SORCS1: variants seen among roughly 807,000 people sequenced by gnomAD.
SORCS1 encodes the protein sortilin related VPS10 domain containing receptor 1.
A neutral mutation model predicts 146.1 loss-of-function variants in SORCS1; 60 were observed. That is an observed-to-expected ratio of 0.41 (90% confidence interval 0.33 to 0.51). SORCS1 has a LOEUF of 0.51. Among genes scored for constraint, SORCS1 ranks in the 20% least tolerant of loss-of-function variants. The pLI, the probability that SORCS1 is intolerant of heterozygous loss-of-function variation, is 0.21. For missense variants in SORCS1, 1,352 were observed against 1,487.6 expected (o/e 0.91, Z 1.50); for synonymous variants, 637 against 584.0 (o/e 1.09, Z -1.31).
intron 1 of SORCS1, among the ~76,000 whole-genome samples, chr10:107,031,534 G>A (rs911170670): frequency 1.3e-5 from 2 of 151,622 alleles, no homozygotes; most frequent in Admixed American, 6.6e-5. Context: ...TTTCTGTTAC[G>A]TTAGTAGAAA....
chr10:106,721,631 A>G (rs190571904), intron 6 of SORCS1, among the ~76,000 whole-genome samples: 1 of 152,352 alleles, frequency 6.6e-6, no homozygotes, highest in African/African-American at 2.4e-5. Flanking sequence ...CACAGGCATT[A>G]TGATACTGAT....
At chr10:106,982,043 C>T (rs540552266) in intron 1 of SORCS1, among the ~76,000 whole-genome samples, 1 of 152,208 alleles carries the variant, frequency 6.6e-6, no homozygotes, top group Non-Finnish European at 1.5e-5. Flanking sequence ...GGCATCCATA[C>T]ATTAGCCGAG....
At position 106,741,889 on chromosome 10, in the gene SORCS1, C is replaced by A. The variant is rs146992643; in HGVS notation, c.960-11775G>T. Among the ~76,000 whole-genome samples the A allele has an allele frequency of 3.5e-3, 528 of 152,290 alleles. 9 individuals carry two copies. Among genetic ancestry groups the A allele is most frequent in the African/African-American group, 0.012 (509 of 41,568 alleles). On this transcript the variant is annotated intron_variant, in intron 5 of 25. Transcript: ENST00000263054. The stretch of plus-strand genomic sequence containing the variant: ...AGAAAACACAGTGTCAGTTTTTACA[C>A]GGACAGCTCAGTGCCTGGCCTGTAG...
At chr10:106,751,598 C>T (rs1366147677) in intron 5 of SORCS1, among the ~76,000 whole-genome samples, 1 of 152,120 alleles carries the variant, frequency 6.6e-6, no homozygotes, top group Non-Finnish European at 1.5e-5. Context: ...AATAAATAGC[C>T]TAGTGCATGG....
At chr10:106,786,566 G>A (rs1023656449) in intron 3 of SORCS1, among the ~76,000 whole-genome samples, 6 of 152,028 alleles carry the variant, frequency 3.9e-5, no homozygotes, top group African/African-American at 1.4e-4. Flanking sequence ...GGAAGACCCA[G>A]GACATCAATT....
chr10:106,612,819 C>T (rs1029016308), intron 21 of SORCS1, among the ~76,000 whole-genome samples: 24 of 152,098 alleles, frequency 1.6e-4, no homozygotes, highest in African/African-American at 5.8e-4. Context: ...GTTCTGCGCT[C>T]CTGGATAGTA....
chr10:107,085,885 C>T (rs1963721026), intron 1 of SORCS1, among the ~76,000 whole-genome samples: 1 of 152,198 alleles, frequency 6.6e-6, no homozygotes. Flanking sequence ...TACAATCACT[C>T]ACAAAGCAAT....
At chr10:106,648,353 G>C (rs1009037218) in intron 18 of SORCS1, among the ~76,000 whole-genome samples, 7 of 152,042 alleles carry the variant, frequency 4.6e-5, no homozygotes, top group Admixed American at 6.6e-5. Flanking sequence ...GGATACGTTG[G>C]AGTCTAATAT....
intron 1 of SORCS1, among the ~76,000 whole-genome samples, chr10:106,976,668 ATTT>A (rs1000950794): frequency 3.9e-5 from 6 of 151,910 alleles, no homozygotes; most frequent in African/African-American, 1.5e-4. Flanking sequence ...TGCATTAGGT[ATTT>A]GTCCTAATGC....
intron 3 of SORCS1, among the ~76,000 whole-genome samples, chr10:106,798,270 T>A (rs547435984): frequency 6.6e-6 from 1 of 152,364 alleles, no homozygotes; most frequent in Non-Finnish European, 1.5e-5. Context: ...TTAAACCTCT[T>A]TCTTTTGTAA....
At chr10:106,590,496 T>G (rs1002995894) in intron 24 of SORCS1, among the ~76,000 whole-genome samples, 2 of 152,100 alleles carry the variant, frequency 1.3e-5, no homozygotes, top group Non-Finnish European at 2.9e-5. Context: ...GTTACTAGGG[T>G]CAATGAGAAA....
chr10:106,923,580 A>T (rs1352408545), intron 2 of SORCS1, among the ~76,000 whole-genome samples: 1 of 152,246 alleles, frequency 6.6e-6, no homozygotes, highest in African/African-American at 2.4e-5. Flanking sequence ...CATTTCCACC[A>T]GTAATGAGAA....
chr10:106,735,541 T>A (rs2756239), intron 5 of SORCS1, among the ~76,000 whole-genome samples: 8 of 152,224 alleles, frequency 5.3e-5, no homozygotes, highest in Non-Finnish European at 1.0e-4. Flanking sequence ...TCTTCAAGTA[T>A]ATGCAGCAAT....
intron 8 of SORCS1, among the ~76,000 whole-genome samples, chr10:106,699,960 C>T (rs952431051): frequency 3.9e-5 from 6 of 152,242 alleles, no homozygotes; most frequent in Middle Eastern, 3.4e-3. Flanking sequence ...AAAAGCACTG[C>T]CCAAAGGTTC....
intron 9 of SORCS1, among the ~76,000 whole-genome samples, chr10:106,696,335 T>C (rs1853702364): frequency 6.6e-6 from 1 of 152,260 alleles, no homozygotes. Context: ...GGGAAATTCA[T>C]GCTGGATGGC....
At chr10:106,627,861 C>T (rs184983091) in intron 19 of SORCS1, among the ~76,000 whole-genome samples, 13 of 152,204 alleles carry the variant, frequency 8.5e-5, no homozygotes, top group South Asian at 4.1e-4. Context: ...AGGATCCTTG[C>T]GGCAGGTGGA....
intron 2 of SORCS1, among the ~76,000 whole-genome samples, chr10:106,919,463 C>G (rs1406162873): frequency 6.6e-6 from 1 of 152,100 alleles, no homozygotes; most frequent in Non-Finnish European, 1.5e-5. Context: ...TTACTGGGAC[C>G]CCTGTCCAGG....
At chr10:107,069,328 A>G (rs943846529) in intron 1 of SORCS1, among the ~76,000 whole-genome samples, 5 of 151,994 alleles carry the variant, frequency 3.3e-5, no homozygotes, top group African/African-American at 1.2e-4. Context: ...TCTGCTGCAG[A>G]CTACATTTTA....
At position 106,573,684 on chromosome 10, in the gene SORCS1, T is replaced by G. The variant is rs1260916504; in HGVS notation, c.*3736A>C. On this transcript the variant is annotated 3_prime_UTR_variant, in exon 26 of 26. Coordinates refer to ENST00000263054, the MANE Select transcript of SORCS1 (RefSeq NM_052918.5). The stretch of plus-strand genomic sequence containing the variant: ...GGACTAATTTTTAAATCAAAGTAAT[T>G]TAATAAACAGACATTGTATAGTTAA... 1.3e-5 allele frequency: 2 copies of G among 152,208 alleles called. No homozygotes were observed. Among genetic ancestry groups the G allele is most frequent in the African/African-American group, 4.8e-5 (2 of 41,448 alleles). The allele number at this position is 152,208 out of a possible 1,614,324, so 9.4% of individuals were successfully genotyped here. A position where few individuals can be genotyped will look rare whatever the true frequency, so the allele number is the denominator to read the frequency against.
Sources: gnomAD v4.1 joint callset for allele counts (sites outside exome capture counted in the v4.1 genomes callset) on GRCh38, gnomAD v4.1.1 for gene constraint, MANE v1.5 for transcripts, NCBI Gene and HGNC (gene_info 2026-07-23, HGNC 2026-07-21) for gene names.